GALNTL6: variants seen among roughly 807,000 people sequenced by gnomAD.
GALNTL6 encodes the protein polypeptide N-acetylgalactosaminyltransferase-like 6.
In GALNTL6, 46 loss-of-function variants were observed where a neutral mutation model predicts 73.7. The observed-to-expected ratio is 0.62, with a 90% CI of 0.49 to 0.80. The LOEUF is 0.80. Ranked by LOEUF, GALNTL6 falls within the 30% of genes least tolerant of loss-of-function variation. The pLI, the probability that GALNTL6 is intolerant of heterozygous loss-of-function variation, is 0.00. For missense variants in GALNTL6, 604 were observed against 755.0 expected, an observed-to-expected ratio of 0.80 and a Z score of 2.34; for synonymous variants, 259 against 263.7, an observed-to-expected ratio of 0.98 and a Z score of 0.17.
At chr4:172,105,188 A>T (rs1388551561) in intron 2 of GALNTL6, among the ~76,000 whole-genome samples, 1 of 152,116 alleles carries the variant, frequency 6.6e-6, no homozygotes, top group African/African-American at 2.4e-5. Context: ...TTCTAGAAAT[A>T]AAAATATGAT....
intron 2 of GALNTL6, among the ~76,000 whole-genome samples, chr4:172,017,461 A>G (rs1741237412): frequency 6.6e-6 from 1 of 152,090 alleles, no homozygotes; most frequent in Admixed American, 6.6e-5. Context: ...AGAGGCCTCC[A>G]TGCTGCGTTC....
intron 8 of GALNTL6, among the ~76,000 whole-genome samples, chr4:172,916,529 G>A (rs1431374684): frequency 1.3e-5 from 2 of 152,282 alleles, no homozygotes; most frequent in Admixed American, 6.5e-5. Flanking sequence ...TCCTTAAGCT[G>A]ATAAGCAACT....
intron 5 of GALNTL6, among the ~76,000 whole-genome samples, chr4:172,636,230 G>T (rs965498354): frequency 1.3e-5 from 2 of 152,142 alleles, no homozygotes; most frequent in African/African-American, 4.8e-5. Context: ...TGTCAGAGAG[G>T]AAAATCCAAA....
At chr4:172,790,038 T>C (rs1739904063) in intron 5 of GALNTL6, among the ~76,000 whole-genome samples, 1 of 152,202 alleles carries the variant, frequency 6.6e-6, no homozygotes, top group Admixed American at 6.5e-5. Flanking sequence ...GAATCCGAAA[T>C]AGTTTTTTAA....
intron 5 of GALNTL6, among the ~76,000 whole-genome samples, chr4:172,553,900 A>C (rs978143496): frequency 1.3e-5 from 2 of 152,136 alleles, no homozygotes; most frequent in African/African-American, 4.8e-5. Context: ...CTACAAAAAA[A>C]TTAGCCAGGC....
At chr4:173,021,689 T>C in intron 12 of GALNTL6, 64 bp downstream of exon 12, 1 of 1,566,588 alleles carries the variant, frequency 6.4e-7, no homozygotes, top group Non-Finnish European at 8.8e-7. Flanking sequence ...TTACTCAGTT[T>C]TCTTTGAAAA....
chr4:172,291,204 C>T (rs1739459742), intron 3 of GALNTL6, among the ~76,000 whole-genome samples: 1 of 151,970 alleles, frequency 6.6e-6, no homozygotes, highest in Non-Finnish European at 1.5e-5. Flanking sequence ...TTTTGAGAGA[C>T]TATTATTACT....
chr4:172,009,052 AATTAT>A (rs1241109985), intron 2 of GALNTL6, among the ~76,000 whole-genome samples: 2 of 152,132 alleles, frequency 1.3e-5, no homozygotes, highest in East Asian at 1.9e-4. Context: ...AGAAATACTA[AATTAT>A]ATTATGTTGC....
At chr4:171,858,144 T>C (rs1037980084) in intron 2 of GALNTL6, among the ~76,000 whole-genome samples, 5 of 152,188 alleles carry the variant, frequency 3.3e-5, no homozygotes, top group Non-Finnish European at 7.4e-5. Context: ...AAATTATGTA[T>C]AAAGTGTTAT....
At chr4:172,537,709 T>G (rs1735397417) in intron 5 of GALNTL6, among the ~76,000 whole-genome samples, 3 of 152,140 alleles carry the variant, frequency 2.0e-5, no homozygotes, top group Non-Finnish European at 2.9e-5. Context: ...ACCACATGCA[T>G]AGAAGAGTTC....
chr4:172,301,455 A>G (rs886436329), intron 3 of GALNTL6, among the ~76,000 whole-genome samples: 6 of 152,006 alleles, frequency 3.9e-5, no homozygotes, highest in African/African-American at 1.4e-4. Flanking sequence ...TGATTTTTAG[A>G]ATTTTCAGTT....
intron 2 of GALNTL6, among the ~76,000 whole-genome samples, chr4:171,862,736 T>C (rs923120300): frequency 2.0e-5 from 3 of 152,150 alleles, no homozygotes; most frequent in African/African-American, 7.2e-5. Flanking sequence ...TATTTTCCTT[T>C]GTAAATATTT....
chr4:172,529,862 A>ATTTTATTTT (rs1446899217), intron 5 of GALNTL6, among the ~76,000 whole-genome samples: 3 of 31,642 alleles, frequency 9.5e-5, no homozygotes, highest in African/African-American at 2.2e-4. Flanking sequence ...ATTTATTTTT[A>ATTTTATTTT]TTTTATTTAT....
At chr4:172,568,834 C>A (rs2110943978) in intron 5 of GALNTL6, among the ~76,000 whole-genome samples, 1 of 150,902 alleles carries the variant, frequency 6.6e-6, no homozygotes, top group Admixed American at 6.6e-5. Context: ...CTGTGGGCCA[C>A]ATGCAGTCCA....
chr4:172,443,137 T>C (rs1579075752), intron 5 of GALNTL6, among the ~76,000 whole-genome samples: 1 of 112,568 alleles, frequency 8.9e-6, no homozygotes, highest in African/African-American at 4.6e-5. Context: ...TATATATATA[T>C]ATATATATAT....
At chr4:172,856,140 G>A (rs138425586) in intron 7 of GALNTL6, among the ~76,000 whole-genome samples, 7 of 152,270 alleles carry the variant, frequency 4.6e-5, no homozygotes, top group Non-Finnish European at 4.4e-5. Flanking sequence ...TCTCATCAAC[G>A]TAGTTGGTCC....
chr4:171,979,265 C>T (rs769813268), intron 2 of GALNTL6, among the ~76,000 whole-genome samples: 21 of 152,254 alleles, frequency 1.4e-4, no homozygotes, highest in Middle Eastern at 3.4e-3. Flanking sequence ...AATTTACCTT[C>T]GGTGTTTTCC....
intron 2 of GALNTL6, among the ~76,000 whole-genome samples, chr4:171,866,356 TAG>T (rs1735970449): frequency 6.6e-6 from 1 of 152,118 alleles, no homozygotes; most frequent in Admixed American, 6.6e-5. Context: ...CATTTCCAAT[TAG>T]AGTCAATATT....
At chr4:172,253,209 TATGTC>T (rs1393798141) in intron 3 of GALNTL6, among the ~76,000 whole-genome samples, 1 of 152,002 alleles carries the variant, frequency 6.6e-6, no homozygotes, top group African/African-American at 2.4e-5. Context: ...ACCCGTCGGA[TATGTC>T]ATAGAATTTG....
Sources: gnomAD v4.1 joint callset for allele counts (sites outside exome capture counted in the v4.1 genomes callset) on GRCh38, gnomAD v4.1.1 for gene constraint, MANE v1.5 for transcripts, NCBI Gene and HGNC (gene_info 2026-07-23, HGNC 2026-07-21) for gene names.